UBTD1: variants seen among roughly 807,000 people sequenced by gnomAD.
The protein encoded by UBTD1 is ubiquitin domain-containing protein 1.
Under a neutral mutation model 21.7 loss-of-function variants are expected in UBTD1, and 19 were observed. The ratio of observed to expected loss-of-function variants is 0.87; its 90% confidence interval spans 0.61 to 1.28. The LOEUF is 1.28. Ranked by LOEUF, UBTD1 falls within the 50% of genes most tolerant of loss-of-function variation. The pLI, the probability that UBTD1 is intolerant of heterozygous loss-of-function variation, is 0.00. For missense variants in UBTD1, 282 were observed against 315.1 expected, an observed-to-expected ratio of 0.89 and a Z score of 0.80; for synonymous variants, 116 against 135.1, an observed-to-expected ratio of 0.86 and a Z score of 0.98.
chr10:97,500,793 G>T (rs1168256371), intron 1 of UBTD1, among the ~76,000 whole-genome samples: 1 of 152,094 alleles, frequency 6.6e-6, no homozygotes, highest in Non-Finnish European at 1.5e-5. Context: ...ATCTTGTTCA[G>T]TCCCACAACT....
At chr10:97,509,473 C>T (rs947056363) in intron 1 of UBTD1, among the ~76,000 whole-genome samples, 11 of 152,208 alleles carry the variant, frequency 7.2e-5, no homozygotes, top group Admixed American at 2.0e-4. Context: ...TGGGGAACAA[C>T]GCAAAGCTCA....
At chr10:97,561,712 C>T (rs1452648761) in intron 1 of UBTD1, among the ~76,000 whole-genome samples, 1 of 151,648 alleles carries the variant, frequency 6.6e-6, no homozygotes, top group Non-Finnish European at 1.5e-5. Context: ...GCCGGGCTGC[C>T]TGTCTTTGGT....
At chr10:97,551,948 G>A (rs1333206639) in intron 1 of UBTD1, among the ~76,000 whole-genome samples, 1 of 151,768 alleles carries the variant, frequency 6.6e-6, no homozygotes. Flanking sequence ...TTACTCTGTC[G>A]CCCAGTCTGG....
At chr10:97,524,287 G>C (rs925718858) in intron 1 of UBTD1, among the ~76,000 whole-genome samples, 1 of 87,564 alleles carries the variant, frequency 1.1e-5, no homozygotes, top group East Asian at 2.2e-4. Flanking sequence ...GTAGGGATGC[G>C]GGGGGGTCTC....
intron 1 of UBTD1, among the ~76,000 whole-genome samples, chr10:97,520,531 A>G (rs1342201984): frequency 1.3e-5 from 2 of 152,210 alleles, no homozygotes; most frequent in African/African-American, 4.8e-5. Context: ...CAAAGGTAAG[A>G]ATAAGGTACT....
chr10:97,550,551 G>GGC (rs2040632251), intron 1 of UBTD1, among the ~76,000 whole-genome samples: 1 of 152,122 alleles, frequency 6.6e-6, no homozygotes, highest in African/African-American at 2.4e-5. Context: ...ACCTGCTCAC[G>GGC]GCGCCTCGGT....
intron 1 of UBTD1, among the ~76,000 whole-genome samples, chr10:97,500,101 A>T (rs2040350142): frequency 6.6e-6 from 1 of 152,220 alleles, no homozygotes; most frequent in South Asian, 2.1e-4. Context: ...ACTTGTCTGG[A>T]TTCCAGATGG....
Position 97,562,528 on chromosome 10 carries a change from A to G in UBTD1, c.71-5386A>G, listed in dbSNP as rs142453180. Among the ~76,000 whole-genome samples, 256 of 152,332 alleles carry G rather than the reference A, an allele frequency of 1.7e-3. 1 individual carries two copies. Among genetic ancestry groups the G allele is most frequent in the African/African-American group, 6.0e-3 (250 of 41,572 alleles). On this transcript the variant is annotated intron_variant, in intron 1 of 2. Transcript: ENST00000370664. The stretch of plus-strand genomic sequence containing the variant: ...TTCTCAAGGGAGGGGAGAATATTAC[A>G]AAGTACCTTCTTAAGGGCAGGGGAG...
intron 1 of UBTD1, among the ~76,000 whole-genome samples, chr10:97,508,745 A>G (rs2040409389): frequency 6.6e-6 from 1 of 152,200 alleles, no homozygotes; most frequent in Admixed American, 6.5e-5. Flanking sequence ...ATGTGAGTCC[A>G]TCATCTTGGA....
chr10:97,532,758 C>T (rs1285207385), intron 1 of UBTD1, among the ~76,000 whole-genome samples: 1 of 151,874 alleles, frequency 6.6e-6, no homozygotes, highest in Non-Finnish European at 1.5e-5. Context: ...CCACTGCTCT[C>T]CAGCCTGGGC....
At chr10:97,501,865 C>T (rs749165737) in intron 1 of UBTD1, among the ~76,000 whole-genome samples, 21 of 152,182 alleles carry the variant, frequency 1.4e-4, no homozygotes, top group Non-Finnish European at 2.4e-4. Flanking sequence ...CCCCTCCCTC[C>T]GCACCCCACC....
intron 1 of UBTD1, among the ~76,000 whole-genome samples, chr10:97,517,110 T>A (rs927608023): frequency 1.3e-5 from 2 of 151,940 alleles, no homozygotes; most frequent in Non-Finnish European, 2.9e-5. Context: ...CTGGTGGCAC[T>A]CCAGGCAGCA....
chr10:97,529,238 G>A (rs1397362999), intron 1 of UBTD1, among the ~76,000 whole-genome samples: 2 of 150,496 alleles, frequency 1.3e-5, no homozygotes, highest in Non-Finnish European at 3.0e-5. Flanking sequence ...TCACTTCCTA[G>A]GTGGGATGGC....
At chr10:97,514,197 G>C (rs941479607) in intron 1 of UBTD1, among the ~76,000 whole-genome samples, 2 of 151,944 alleles carry the variant, frequency 1.3e-5, no homozygotes, top group Admixed American at 1.3e-4. Context: ...AGGCAGGATG[G>C]GAGCCTGGGA....
rs116019952 is a variant in UBTD1 at position 97,524,617 on chromosome 10, G to A, written c.70+25344G>A. Among the ~76,000 whole-genome samples, 282 of 152,326 alleles carry A rather than the reference G, an allele frequency of 1.9e-3. 1 individual carries two copies. The highest frequency in any genetic ancestry group is 6.4e-3 in the African/African-American group (268 of 41,572). ...TCTTTGTGGAAAGCTGCCCTGCTGC[G>A]TTGAAGGGGTCTAATGATACAGTGG... On this transcript the variant is annotated intron_variant, in intron 1 of 2. Transcript: ENST00000370664.
intron 1 of UBTD1, among the ~76,000 whole-genome samples, chr10:97,526,399 T>C (rs764078120): frequency 1.3e-5 from 2 of 152,090 alleles, no homozygotes; most frequent in African/African-American, 2.4e-5. Context: ...AAATGGAAAG[T>C]CTAAATGTGT....
At chr10:97,505,836 G>A (rs189622410) in intron 1 of UBTD1, among the ~76,000 whole-genome samples, 9 of 152,250 alleles carry the variant, frequency 5.9e-5, no homozygotes, top group African/African-American at 2.2e-4. Flanking sequence ...AAGCTACCAG[G>A]ATTTTTACAC....
intron 1 of UBTD1, among the ~76,000 whole-genome samples, chr10:97,543,499 T>C (rs531268086): frequency 1.1e-4 from 16 of 152,332 alleles, no homozygotes; most frequent in African/African-American, 2.6e-4. Context: ...CATTTGTGTG[T>C]GCGCTTCACA....
rs935746821 is a variant in UBTD1 at position 97,524,292 on chromosome 10, G to T, written c.70+25019G>T. On this transcript the variant is annotated intron_variant, in intron 1 of 2. Coordinates refer to ENST00000370664, the MANE Select transcript of UBTD1 (RefSeq NM_024954.5). ...GTATGTTTTTGTAGGGATGCGGGGG[G>T]GTCTCACTATGTTGCCCAGACTAGT... Among the ~76,000 whole-genome samples, 4 of 152,070 alleles carry T rather than the reference G, an allele frequency of 2.6e-5. No individual in the cohort carries two copies. In the South Asian group the frequency reaches 6.2e-4, roughly 24 times the overall value.
Sources: gnomAD v4.1 joint callset for allele counts (sites outside exome capture counted in the v4.1 genomes callset) on GRCh38, gnomAD v4.1.1 for gene constraint, MANE v1.5 for transcripts, NCBI Gene and HGNC (gene_info 2026-07-23, HGNC 2026-07-21) for gene names.